Variants in NTSR1 observed in about 807,000 individuals in gnomAD.
NTSR1 encodes the protein neurotensin receptor 1.
NTSR1 carries 29 observed loss-of-function variants against 31.2 expected under a neutral mutation model. The ratio of observed to expected loss-of-function variants is 0.93; its 90% CI spans 0.69 to 1.27. The LOEUF is 1.27. Ranked by LOEUF, NTSR1 falls within the 50% of genes most tolerant of loss-of-function variation. The pLI is 0.00. For missense variants in NTSR1, 697 were observed against 595.4 expected (o/e 1.17, Z -1.78); for synonymous variants, 282 against 269.9 (o/e 1.04, Z -0.44).
chr20:62,755,831 A>ATCCC (rs1268257196), intron 2 of NTSR1, among the ~76,000 whole-genome samples: 2 of 9,450 alleles, frequency 2.1e-4, no homozygotes, highest in Non-Finnish European at 3.7e-4. Flanking sequence ...CCCTCCATCC[A>ATCCC]TCCCTCCCTC....
chr20:62,757,524 C>T (rs145500802), intron 2 of NTSR1, among the ~76,000 whole-genome samples: 78 of 152,256 alleles, frequency 5.1e-4, no homozygotes, highest in South Asian at 1.7e-3. Context: ...TTTGGCTGTC[C>T]GGGATCCTTT....
At chr20:62,735,258 G>A (rs1024684936) in intron 1 of NTSR1, 8 of 152,352 alleles carry the variant, frequency 5.3e-5, no homozygotes, top group African/African-American at 1.9e-4. Context: ...GAGGGGCAGT[G>A]CCTGGCACCA....
chr20:62,740,495 T>C (rs1251598592), intron 1 of NTSR1, among the ~76,000 whole-genome samples: 1 of 151,576 alleles, frequency 6.6e-6, no homozygotes, highest in African/African-American at 2.4e-5. Context: ...GGCTCATTCT[T>C]AGTCATAGGG....
At position 62,711,843 on chromosome 20, in the gene NTSR1, G is replaced by A. The variant is rs879709707; in HGVS notation, c.714+1922G>A. Among the ~76,000 whole-genome samples, 5 of 152,180 alleles carry A rather than the reference G, an allele frequency of 3.3e-5. No homozygotes were observed. Among genetic ancestry groups the A allele is most frequent in the African/African-American group, 4.8e-5 (2 of 41,444 alleles). On this transcript the variant is annotated intron_variant, in intron 1 of 3. Coordinates refer to ENST00000370501, the MANE Select transcript of NTSR1 (RefSeq NM_002531.3). This position sits in a 1 kb window ranked among gnomAD's most constrained non-coding sequence, Gnocchi z 6.4. ...AGCCTTGTTGCTCAGAGGCTGCGAG[G>A]CAGATTTGGCCAAGTCACGCTACGG...
rs764135953 is a variant in NTSR1 at position 62,745,937 on chromosome 20, A to G, written c.715-8748A>G. 2.3e-4 allele frequency among the ~76,000 whole-genome samples: 35 copies of G among 152,240 alleles called. No homozygotes were observed. Among genetic ancestry groups the G allele is most frequent in the Admixed American group, 8.5e-4 (13 of 15,290 alleles). Reference sequence around the variant, plus strand: ...TCGAAAGGCGCCAGGGTGCTGTGGCATCAGTGGCGCTGAGGCATCCTCTGG... The same window carrying G: ...TCGAAAGGCGCCAGGGTGCTGTGGCGTCAGTGGCGCTGAGGCATCCTCTGG... On this transcript the variant is annotated intron_variant, in intron 1 of 3. Transcript: ENST00000370501. The surrounding 1 kb of genome is among the most constrained non-coding windows in gnomAD (Gnocchi z 4.1).
chr20:62,736,021 G>C (rs565126747), intron 1 of NTSR1, among the ~76,000 whole-genome samples: 2 of 152,210 alleles, frequency 1.3e-5, no homozygotes, highest in Non-Finnish European at 2.9e-5. Flanking sequence ...AGTAATTCCC[G>C]TTTAAATTTG....
chr20:62,711,703 C>G lies in NTSR1; in HGVS notation c.714+1782C>G, dbSNP rs1988618636. The stretch of plus-strand genomic sequence containing the variant: ...GCCGAAAAGCACAGGGGCGTGAGGA[C>G]AGCTCGGCTCCGCCCCCCGGAAAGT... On this transcript the variant is annotated intron_variant, in intron 1 of 3. Transcript: ENST00000370501. This position sits in a 1 kb window ranked among gnomAD's most constrained non-coding sequence, Gnocchi z 6.4. Among the ~76,000 whole-genome samples, 2 of 152,214 alleles carry G rather than the reference C, an allele frequency of 1.3e-5. No homozygotes were observed. The highest frequency in any genetic ancestry group is 1.3e-4 in the Admixed American group (2 of 15,292).
At chr20:62,727,899 C>T (rs959699594) in intron 1 of NTSR1, among the ~76,000 whole-genome samples, 2 of 152,242 alleles carry the variant, frequency 1.3e-5, no homozygotes, top group Non-Finnish European at 2.9e-5. Context: ...GTGTTCCCGG[C>T]GCTCCCGGCG....
Position 62,754,667 on chromosome 20 carries a change from G to C in NTSR1, c.715-18G>C, listed in dbSNP as rs145976257. 2.3e-5 allele frequency: 37 copies of C among 1,606,540 alleles called. No individual in the cohort carries two copies. In the African/African-American group the frequency reaches 4.4e-4, roughly 19 times the overall value. ...TCCCGCTGCTGGCTCTGACAGCCTCGCCCTTCCTCTCCTGCAGGTCAACAC... is the reference window on the plus strand; with the variant it reads ...TCCCGCTGCTGGCTCTGACAGCCTCCCCCTTCCTCTCCTGCAGGTCAACAC... On this transcript the variant is annotated intron_variant, in intron 1 of 3. Transcript: ENST00000370501.
intron 1 of NTSR1, among the ~76,000 whole-genome samples, chr20:62,724,172 C>T (rs1490860593): frequency 6.6e-6 from 1 of 152,204 alleles, no homozygotes; most frequent in Admixed American, 6.5e-5. Flanking sequence ...CGAGCCATGA[C>T]CTCCCAAGTC....
chr20:62,713,619 C>A (rs998080724), intron 1 of NTSR1, among the ~76,000 whole-genome samples: 1 of 152,146 alleles, frequency 6.6e-6, no homozygotes, highest in Non-Finnish European at 1.5e-5. Context: ...GTGGAGTCTG[C>A]AACTTATTCT....
At chr20:62,740,560 C>T (rs890296091) in intron 1 of NTSR1, among the ~76,000 whole-genome samples, 2 of 152,086 alleles carry the variant, frequency 1.3e-5, no homozygotes, top group Non-Finnish European at 2.9e-5. Flanking sequence ...AGGGTTGTGC[C>T]GACAGTCTGA....
intron 1 of NTSR1, among the ~76,000 whole-genome samples, chr20:62,739,298 G>A (rs1474255127): frequency 6.6e-6 from 1 of 152,252 alleles, no homozygotes; most frequent in African/African-American, 2.4e-5. Context: ...CTCGGCACTG[G>A]ATGGGGTGGC....
At chr20:62,747,048 C>A (rs1486589167) in intron 1 of NTSR1, among the ~76,000 whole-genome samples, 4 of 152,202 alleles carry the variant, frequency 2.6e-5, no homozygotes, top group African/African-American at 9.7e-5. Flanking sequence ...CCACCATGAG[C>A]AGGTGGGATT....
rs1444350282 is a variant in NTSR1, at chr20:62,709,226, G to C, written c.19G>C (p.Ala7Pro). 8 of 1,482,382 alleles carry C rather than the reference G, an allele frequency of 5.4e-6. No homozygotes were observed. The highest frequency in any genetic ancestry group is 1.4e-5 in the African/African-American group (1 of 70,328). The allele number at this position is 1,482,382 out of a possible 1,614,324, so 91.8% of individuals were successfully genotyped here. A position where few individuals can be genotyped will look rare whatever the true frequency, so the allele number is the denominator to read the frequency against. Reference sequence around the variant, plus strand: ...GCCCACCATGCGCCTCAACAGCTCCGCGCCGGGAACCCCGGGCACGCCGGC... The same window carrying C: ...GCCCACCATGCGCCTCAACAGCTCCCCGCCGGGAACCCCGGGCACGCCGGC... The part of the protein sequence containing the change: MRLNSS[A>P]PGTPGTPAAD... The change falls in exon 1 of 4, where the codon GCG (alanine) becomes CCG (proline). Residue 7 changes from alanine (A) to proline (P), a missense_variant. By Grantham distance (27) the Ala-to-Pro change is conservative. Coordinates refer to ENST00000370501, the MANE Select transcript of NTSR1 (RefSeq NM_002531.3).
At chr20:62,750,219 A>G (rs1240933304) in intron 1 of NTSR1, among the ~76,000 whole-genome samples, 1 of 152,162 alleles carries the variant, frequency 6.6e-6, no homozygotes, top group African/African-American at 2.4e-5. Context: ...ATGCTGTGTG[A>G]TCTCGCTTAT....
At chr20:62,749,339 C>T (rs905991361) in intron 1 of NTSR1, among the ~76,000 whole-genome samples, 1 of 152,044 alleles carries the variant, frequency 6.6e-6, no homozygotes, top group African/African-American at 2.4e-5. Flanking sequence ...TACTCGAGAG[C>T]CTGAAATTGT....
intron 1 of NTSR1, among the ~76,000 whole-genome samples, chr20:62,752,729 G>A (rs970046775): frequency 6.6e-6 from 1 of 152,172 alleles, no homozygotes; most frequent in Admixed American, 6.5e-5. Context: ...CCGGGCTGCG[G>A]TGACTCACAG....
intron 1 of NTSR1, among the ~76,000 whole-genome samples, chr20:62,729,733 T>G (rs997326807): frequency 2.0e-5 from 3 of 151,130 alleles, no homozygotes; most frequent in Non-Finnish European, 4.4e-5. Context: ...GTGATTCTCC[T>G]GCCTCAGCCT....
Sources: gnomAD v4.1 joint callset for allele counts (sites outside exome capture counted in the v4.1 genomes callset) on GRCh38, gnomAD v4.1.1 for gene constraint, Gnocchi (gnomAD v3.1) non-coding constraint, MANE v1.5 for transcripts, NCBI Gene and HGNC (gene_info 2026-07-23, HGNC 2026-07-21) for gene names.